The following BCAS3 variants were observed in gnomAD, a reference collection of about 807,000 sequenced individuals.
BCAS3 encodes BCAS4/BCAS3 fusion.
Under a neutral mutation model 116.1 loss-of-function variants are expected in BCAS3, and 53 were observed. The ratio of observed to expected loss-of-function variants is 0.46; its 90% CI spans 0.37 to 0.57. BCAS3 has a LOEUF of 0.57. Among genes scored for constraint, BCAS3 ranks in the 20% least tolerant of loss-of-function variants. BCAS3 has a pLI of 0.00. For synonymous variants in BCAS3, 391 were observed against 408.2 expected (o/e 0.96, Z 0.51); for missense variants, 917 against 1,165.4 (o/e 0.79, Z 3.10).
intron 6 of BCAS3, among the ~76,000 whole-genome samples, chr17:60,801,567 C>T (rs534709354): frequency 6.6e-6 from 1 of 151,922 alleles, no homozygotes; most frequent in Admixed American, 6.6e-5. Context: ...TGCTTTATAT[C>T]TGACCTCAGA....
At chr17:60,915,262 CA>C (rs918561441) in intron 12 of BCAS3, among the ~76,000 whole-genome samples, 5 of 151,658 alleles carry the variant, frequency 3.3e-5, no homozygotes, top group African/African-American at 9.7e-5. Context: ...TGTGGGTTAA[CA>C]AAAAAAACCT....
intron 7 of BCAS3, among the ~76,000 whole-genome samples, chr17:60,820,526 C>T (rs2049864838): frequency 6.6e-6 from 1 of 152,098 alleles, no homozygotes; most frequent in Non-Finnish European, 1.5e-5. Flanking sequence ...CAGTACACTT[C>T]ATTCTACAAA....
chr17:61,163,311 C>T (rs1175527627), intron 22 of BCAS3, among the ~76,000 whole-genome samples: 1 of 81,940 alleles, frequency 1.2e-5, no homozygotes, highest in Non-Finnish European at 3.8e-5. Context: ...GTAGTCCCAG[C>T]TACTGGGGAG....
chr17:61,317,618 G>A (rs557522679), intron 22 of BCAS3, among the ~76,000 whole-genome samples: 55 of 152,304 alleles, frequency 3.6e-4, no homozygotes, highest in Middle Eastern at 6.8e-3. Flanking sequence ...CACCATCAGG[G>A]GCAACTGGCA....
In BCAS3 at chr17:60,962,085, TTGA is replaced by T. The variant is rs1433145348; in HGVS notation, c.1221+14737_1221+14739del. On this transcript the variant is annotated intron_variant, in intron 14 of 23. Coordinates refer to ENST00000407086, the MANE Select transcript of BCAS3 (RefSeq NM_017679.5). The surrounding 1 kb of genome is among the most constrained non-coding windows in gnomAD (Gnocchi z 4.4). ...CATATATGCTTTATTTATTCATCTG[TTGA>T]TGAACTCTTAGAGTGATTCCATATT... Among the ~76,000 whole-genome samples, 2 of 152,230 alleles carry T rather than the reference TTGA, an allele frequency of 1.3e-5. No individual in the cohort carries two copies. Among genetic ancestry groups the T allele is most frequent in the Non-Finnish European group, 2.9e-5 (2 of 68,034 alleles).
intron 22 of BCAS3, among the ~76,000 whole-genome samples, chr17:61,179,209 AT>A (rs1486569732): frequency 6.7e-6 from 1 of 149,728 alleles, no homozygotes; most frequent in Admixed American, 6.7e-5. Context: ...TTAAAATTGA[AT>A]TTTTGTTTTT....
At chr17:60,902,474 T>C (rs1210543776) in intron 10 of BCAS3, 146 bp from the exon 11 acceptor site, 1 of 658,438 alleles carries the variant, frequency 1.5e-6, no homozygotes, top group Admixed American at 2.6e-5. Context: ...GCAAAGCTTT[T>C]AGCTGTTTGT....
intron 6 of BCAS3, among the ~76,000 whole-genome samples, chr17:60,807,534 C>A (rs2048387137): frequency 6.6e-6 from 1 of 152,110 alleles, no homozygotes; most frequent in Admixed American, 6.5e-5. Flanking sequence ...GTAATCCCAG[C>A]ACTTTGGGAG....
rs1276059306 is a variant in BCAS3, at chr17:61,392,156, C to G, written c.*31C>G. The G allele has an allele frequency of 6.2e-7, 1 of 1,604,612 alleles. No individual in the cohort carries two copies. Among genetic ancestry groups the G allele is most frequent in the Non-Finnish European group, 8.5e-7 (1 of 1,174,684 alleles). On this transcript the variant is annotated 3_prime_UTR_variant, in exon 24 of 24. Coordinates refer to ENST00000407086, the MANE Select transcript of BCAS3 (RefSeq NM_017679.5). This position sits in a 1 kb window ranked among gnomAD's most constrained non-coding sequence, Gnocchi z 6.4. ...AGCAACCTGCTTCTGACTGGCCAGC[C>G]CCCTCCCCTGCTGGAGGAGGGGAGA...
intron 19 of BCAS3, among the ~76,000 whole-genome samples, chr17:61,044,465 A>AAAAAAAATATATATATAT: frequency 8.3e-6 from 1 of 120,122 alleles, no homozygotes; most frequent in African/African-American, 5.0e-5. Context: ...AAAAAAAAAA[A>AAAAAAAATATATATATAT]ATATATATAT....
At chr17:60,868,788 A>T (rs929593151) in intron 8 of BCAS3, 105 bp downstream of exon 8, 12 of 602,484 alleles carry the variant, frequency 2.0e-5, no homozygotes, top group Non-Finnish European at 2.7e-5. Context: ...ATTTTTAAAA[A>T]TCTCAAGGAA....
intron 22 of BCAS3, among the ~76,000 whole-genome samples, chr17:61,100,013 T>A (rs527777288): frequency 1.3e-5 from 2 of 152,380 alleles, no homozygotes; most frequent in South Asian, 4.1e-4. Context: ...AATTGACTTC[T>A]GTTGTATGAA....
At position 61,151,169 on chromosome 17, in the gene BCAS3, C is replaced by T. The variant is rs1054715255; in HGVS notation, c.2425+66605C>T. Among the ~76,000 whole-genome samples, 1 of 152,204 alleles carries T rather than the reference C, an allele frequency of 6.6e-6. No homozygotes were observed. The highest frequency in any genetic ancestry group is 1.5e-5 in the Non-Finnish European group (1 of 68,030). ...CCAAACATCTGAAATCTGGGATGCT[C>T]CAAAATTCAAAACTTTTTTGAGTGA... On this transcript the variant is annotated intron_variant, in intron 22 of 23. Transcript: ENST00000407086. This position sits in a 1 kb window ranked among gnomAD's most constrained non-coding sequence, Gnocchi z 4.8.
intron 7 of BCAS3, among the ~76,000 whole-genome samples, chr17:60,834,027 CAT>C (rs72348706): frequency 0.22 from 33,186 of 151,852 alleles, 4,653 homozygotes; most frequent in African/African-American, 0.41. Flanking sequence ...TTTAAATCAT[CAT>C]GTGATATTTT....
At chr17:61,165,973 T>C (rs2078466958) in intron 22 of BCAS3, among the ~76,000 whole-genome samples, 1 of 152,182 alleles carries the variant, frequency 6.6e-6, no homozygotes. Context: ...GTTTTGTAAA[T>C]CTAAATTTTG....
rs1356310015 is a variant in BCAS3, at chr17:61,106,912, A to C, written c.2425+22348A>C. On this transcript the variant is annotated intron_variant, in intron 22 of 23. Coordinates refer to ENST00000407086, the MANE Select transcript of BCAS3 (RefSeq NM_017679.5). The surrounding 1 kb of genome is among the most constrained non-coding windows in gnomAD (Gnocchi z 4.2). ...TATTTGTTTAGGATAAATTCCCAGA[A>C]GTGGAAATTCTGGGTCCAGAATACG... is the stretch of plus-strand genomic sequence containing the variant. Among the ~76,000 whole-genome samples, 1 of 152,124 alleles carries C rather than the reference A, an allele frequency of 6.6e-6. No homozygotes were observed. Among genetic ancestry groups the C allele is most frequent in the Admixed American group, 6.5e-5 (1 of 15,268 alleles).
At chr17:61,385,803 T>G (rs1227129696) in intron 23 of BCAS3, among the ~76,000 whole-genome samples, 3 of 152,190 alleles carry the variant, frequency 2.0e-5, no homozygotes, top group African/African-American at 7.2e-5. Flanking sequence ...GGTTGGAAAT[T>G]TATTTTCCAT....
intron 7 of BCAS3, among the ~76,000 whole-genome samples, chr17:60,854,012 T>C (rs934806038): frequency 6.6e-6 from 1 of 152,146 alleles, no homozygotes; most frequent in Admixed American, 6.5e-5. Context: ...TGACTCGTCT[T>C]TTACATTAGG....
At chr17:60,936,671 C>G (rs1024717944) in intron 13 of BCAS3, among the ~76,000 whole-genome samples, 2 of 152,152 alleles carry the variant, frequency 1.3e-5, no homozygotes, top group Admixed American at 6.5e-5. Context: ...TGAGAAGTGT[C>G]TGTTCATATC....
Sources: gnomAD v4.1 joint callset for allele counts (sites outside exome capture counted in the v4.1 genomes callset) on GRCh38, gnomAD v4.1.1 for gene constraint, Gnocchi (gnomAD v3.1) non-coding constraint, MANE v1.5 for transcripts, NCBI Gene and HGNC (gene_info 2026-07-23, HGNC 2026-07-21) for gene names.